The following PUS10 variants were observed in gnomAD, a reference collection of about 807,000 sequenced individuals.
PUS10 encodes pseudouridine synthase 10, also known as tRNA pseudouridine synthase Pus10.
In PUS10, 59 loss-of-function variants were observed where a neutral mutation model predicts 75.0. The observed-to-expected ratio is 0.79, with a 90% CI of 0.64 to 0.98. PUS10 has a LOEUF of 0.98. PUS10 is among the 50% of genes least tolerant of loss of function. The probability of loss-of-function intolerance (pLI) is 0.00; values close to 1 mark genes in which losing one functional copy is unlikely to be tolerated. For missense variants in PUS10, 650 were observed against 614.4 expected, an observed-to-expected ratio of 1.06 and a Z score of -0.61; for synonymous variants, 219 against 211.6, an observed-to-expected ratio of 1.03 and a Z score of -0.30.
At chr2:60,948,229 C>T in intron 15 of PUS10, 44 bp from the exon 16 acceptor site, 1 of 1,599,364 alleles carries the variant, frequency 6.3e-7, no homozygotes, top group Non-Finnish European at 8.6e-7. Flanking sequence ...AGAGCTTTGC[C>T]ACCCAGTGAA....
At chr2:61,008,508 A>C (rs990973397) in intron 3 of PUS10, among the ~76,000 whole-genome samples, 1 of 152,120 alleles carries the variant, frequency 6.6e-6, no homozygotes, top group African/African-American at 2.4e-5. Context: ...AAAGAAAAAA[A>C]ATTAGGTGGG....
At chr2:60,949,310 G>A (rs1403695359) in intron 15 of PUS10, among the ~76,000 whole-genome samples, 1 of 152,228 alleles carries the variant, frequency 6.6e-6, no homozygotes. Flanking sequence ...TTCCACTTTA[G>A]AGAAACAGCA....
At chr2:60,962,255 C>G (rs1400075625) in intron 9 of PUS10, among the ~76,000 whole-genome samples, 2 of 152,144 alleles carry the variant, frequency 1.3e-5, no homozygotes, top group Non-Finnish European at 2.9e-5. Flanking sequence ...GACACACTAC[C>G]CTCTTCTAAA....
chr2:60,949,498 T>G (rs762297289), intron 15 of PUS10, among the ~76,000 whole-genome samples: 3 of 152,098 alleles, frequency 2.0e-5, no homozygotes, highest in Admixed American at 6.6e-5. Flanking sequence ...TATTCTAACA[T>G]TGCACTCCGC....
intron 1 of PUS10, among the ~76,000 whole-genome samples, chr2:61,012,344 A>C (rs930849324): frequency 7.2e-5 from 11 of 152,052 alleles, no homozygotes; most frequent in Non-Finnish European, 1.3e-4. Flanking sequence ...GGGCTCAGAA[A>C]GCCATACCCC....
chr2:61,017,730 A>G (rs1369422039), intron 1 of PUS10: 9 of 1,534,922 alleles, frequency 5.9e-6, no homozygotes, highest in Admixed American at 2.0e-5. Flanking sequence ...AGTCAGGGGT[A>G]GGAGCGGGAG....
rs564488018 is a variant in PUS10, at chr2:61,007,070, C to T, written c.382-427G>A. 2.4e-4 allele frequency among the ~76,000 whole-genome samples: 37 copies of T among 152,228 alleles called. No individual in the cohort carries two copies. The East Asian group carries it at 7.1e-3, about 29-fold the overall frequency. ...CAACTAGAAATGAACTTTTCTGTAA[C>T]TTAGCTATGTTAAACAGCAAAATGA... On this transcript the variant is annotated intron_variant, in intron 3 of 17. Coordinates refer to ENST00000316752, the MANE Select transcript of PUS10 (RefSeq NM_144709.4).
Position 60,972,233 on chromosome 2 carries a change from G to A in PUS10, c.469-676C>T, listed in dbSNP as rs187605553. Among the ~76,000 whole-genome samples, 1,328 of 148,328 alleles carry A rather than the reference G, an allele frequency of 9.0e-3. 17 individuals are homozygous for A. Among genetic ancestry groups the A allele is most frequent in the Non-Finnish European group, 0.012 (797 of 66,856 alleles). On this transcript the variant is annotated intron_variant, in intron 4 of 17. Coordinates refer to ENST00000316752, the MANE Select transcript of PUS10 (RefSeq NM_144709.4). The stretch of plus-strand genomic sequence containing the variant: ...AATCCCAGCACTTTGGGAGGCCGAG[G>A]TGGGCGGATCACGACGTCAGGAGAT...
chr2:60,973,210 C>G (rs1676801176), intron 4 of PUS10, among the ~76,000 whole-genome samples: 1 of 152,256 alleles, frequency 6.6e-6, no homozygotes, highest in Non-Finnish European at 1.5e-5. Context: ...CTCGTGGGGC[C>G]AGCCCTGAAA....
In PUS10 at chr2:60,940,863, A is replaced by G. The variant is rs1001956563; in HGVS notation, c.*1532T>C. Reference sequence around the variant, plus strand: ...GGCCTTTCAATGCATTGGCATTGACAAGAGTGAAAAAATTATTTGCTGTTA... The same window carrying G: ...GGCCTTTCAATGCATTGGCATTGACGAGAGTGAAAAAATTATTTGCTGTTA... On this transcript the variant is annotated 3_prime_UTR_variant, in exon 18 of 18. Transcript: ENST00000316752. The G allele has an allele frequency of 6.6e-6, 1 of 152,334 alleles. No homozygotes were observed. Among genetic ancestry groups the G allele is most frequent in the Non-Finnish European group, 1.5e-5 (1 of 68,004 alleles). 9.4% of individuals were successfully genotyped at this position (152,334 alleles called of 1,614,324 possible).
chr2:61,018,167 C>G lies in PUS10; in HGVS notation c.-175G>C, dbSNP rs1481756119. The G allele has an allele frequency of 1.7e-5, 27 of 1,550,638 alleles. No individual in the cohort carries two copies. The highest frequency in any genetic ancestry group is 2.3e-5 in the Non-Finnish European group (26 of 1,146,870). The stretch of plus-strand genomic sequence containing the variant: ...TTCTGTTTTCACTTTGACAGAATGG[C>G]TTCTCTATCTTTAAAGCGTAGACTT... On this transcript the variant is annotated 5_prime_UTR_variant, in exon 1 of 18. Coordinates refer to ENST00000316752, the MANE Select transcript of PUS10 (RefSeq NM_144709.4).
At chr2:60,966,925 C>G (rs1676374014) in intron 6 of PUS10, 1 of 152,342 alleles carries the variant, frequency 6.6e-6, no homozygotes, top group African/African-American at 2.4e-5. Flanking sequence ...GTTTTCACAC[C>G]TGGAAGCCTG....
chr2:60,977,627 T>G (rs1677115433), intron 4 of PUS10, among the ~76,000 whole-genome samples: 1 of 152,222 alleles, frequency 6.6e-6, no homozygotes. Flanking sequence ...TTATCATACA[T>G]GGGAAAGTAT....
intron 4 of PUS10, among the ~76,000 whole-genome samples, chr2:60,976,323 G>T (rs1677029842): frequency 6.6e-6 from 1 of 152,188 alleles, no homozygotes; most frequent in Non-Finnish European, 1.5e-5. Flanking sequence ...AAACTGCTTT[G>T]CTATAGCTAG....
chr2:61,002,330 G>C (rs1343514140), intron 4 of PUS10, among the ~76,000 whole-genome samples: 1 of 152,166 alleles, frequency 6.6e-6, no homozygotes, highest in Non-Finnish European at 1.5e-5. Flanking sequence ...GAAACACTGG[G>C]AGTCCCTCAC....
chr2:61,014,580 T>G lies in PUS10; in HGVS notation c.-15-2675A>C, dbSNP rs142610296. ...GGTACTAAAAATTCAAACAACCTAA[T>G]TTGTTCAGCAAAACAAGATCTTCTA... On this transcript the variant is annotated intron_variant, in intron 1 of 17. Transcript: ENST00000316752. Among the ~76,000 whole-genome samples, 4 of 152,308 alleles carry G rather than the reference T, an allele frequency of 2.6e-5. No individual in the cohort carries two copies. In the East Asian group the frequency reaches 7.7e-4, roughly 29 times the overall value.
chr2:60,972,323 A>T (rs985304325), intron 4 of PUS10, among the ~76,000 whole-genome samples: 2 of 151,586 alleles, frequency 1.3e-5, no homozygotes, highest in Non-Finnish European at 2.9e-5. Context: ...CAAAAAAATT[A>T]GCCGGGCGTG....
chr2:60,963,568 C>T (rs1470517964), intron 8 of PUS10, among the ~76,000 whole-genome samples: 3 of 152,186 alleles, frequency 2.0e-5, no homozygotes, highest in Non-Finnish European at 4.4e-5. Flanking sequence ...ACAATTAGTT[C>T]TTCTGTTAGG....
intron 15 of PUS10, among the ~76,000 whole-genome samples, chr2:60,949,034 A>AT (rs1675171760): frequency 6.6e-6 from 1 of 152,172 alleles, no homozygotes; most frequent in East Asian, 1.9e-4. Flanking sequence ...TCTCTCCTCT[A>AT]TCAAGTTCTC....
Sources: allele counts gnomAD v4.1 joint callset (sites outside exome capture counted in the v4.1 genomes callset), GRCh38; gene constraint gnomAD v4.1.1; transcripts MANE v1.5; gene names NCBI Gene and HGNC (gene_info 2026-07-23, HGNC 2026-07-21).